Variants in KCNAB1 observed in about 807,000 individuals in gnomAD.
The protein encoded by KCNAB1 is potassium voltage-gated channel subfamily A regulatory beta subunit 1.
In KCNAB1, 35 loss-of-function variants were observed where a neutral mutation model predicts 64.6. The ratio of observed to expected loss-of-function variants is 0.54; its 90% CI spans 0.41 to 0.72. The LOEUF (loss-of-function observed/expected upper bound fraction) is 0.72, where lower values mean the gene tolerates loss of function less well. Ranked by LOEUF, KCNAB1 falls within the 30% of genes least tolerant of loss-of-function variation. KCNAB1 has a pLI of 0.00. For synonymous variants in KCNAB1, 177 were observed against 183.8 expected, an observed-to-expected ratio of 0.96 and a Z score of 0.30; for missense variants, 401 against 512.9, an observed-to-expected ratio of 0.78 and a Z score of 2.11.
At chr3:156,141,140 T>C (rs1714682025) in intron 1 of KCNAB1, among the ~76,000 whole-genome samples, 1 of 152,252 alleles carries the variant, frequency 6.6e-6, no homozygotes, top group South Asian at 2.1e-4. Context: ...AGATTCCATA[T>C]ATCCTTTGCC....
chr3:156,370,657 C>CTCCACAATG (rs1396961271), intron 1 of KCNAB1, among the ~76,000 whole-genome samples: 1 of 152,160 alleles, frequency 6.6e-6, no homozygotes, highest in African/African-American at 2.4e-5. Flanking sequence ...GGCTCCTGAG[C>CTCCACAATG]TCCACAATGG....
At position 156,434,913 on chromosome 3, in the gene KCNAB1, T is replaced by C. The variant is rs1019782761; in HGVS notation, c.319+13254T>C. ...GAGAAGATGGTACTGTTTTAATTTA[T>C]GTTCTCTTTGAAGCAGGCTCTGAAA... On this transcript the variant is annotated intron_variant, in intron 2 of 13. Transcript: ENST00000490337. Among the ~76,000 whole-genome samples, 2 of 152,214 alleles carry C rather than the reference T, an allele frequency of 1.3e-5. 1 individual carries two copies. Among genetic ancestry groups the C allele is most frequent in the South Asian group, 4.1e-4 (2 of 4,830 alleles).
chr3:156,500,136 A>G (rs939809567), intron 8 of KCNAB1, among the ~76,000 whole-genome samples: 1 of 152,230 alleles, frequency 6.6e-6, no homozygotes, highest in Non-Finnish European at 1.5e-5. Flanking sequence ...TGACAGGAAC[A>G]GCCTAGAGTA....
chr3:156,266,067 C>G (rs1458488505), intron 1 of KCNAB1, among the ~76,000 whole-genome samples: 1 of 152,114 alleles, frequency 6.6e-6, no homozygotes, highest in Non-Finnish European at 1.5e-5. Context: ...TGACCAACCA[C>G]CTCCCCTTGG....
Position 156,123,639 on chromosome 3 carries a change from A to C in KCNAB1, c.275+2753A>C, listed in dbSNP as rs564318684. On this transcript the variant is annotated intron_variant, in intron 1 of 13. Transcript: ENST00000490337. ...GAAACAATCTAATATACTTTGCTTA[A>C]TACAGATTTATTGTTCATCTAGAGT... Among the ~76,000 whole-genome samples the C allele has an allele frequency of 3.3e-5, 5 of 152,366 alleles. No homozygotes were observed. The South Asian group carries it at 1.0e-3, about 32-fold the overall frequency.
chr3:156,306,097 TG>T (rs1441282885), intron 1 of KCNAB1, among the ~76,000 whole-genome samples: 3 of 152,144 alleles, frequency 2.0e-5, no homozygotes, highest in African/African-American at 4.8e-5. Flanking sequence ...AGCTATACAG[TG>T]GGGGCAAGTT....
Position 156,391,551 on chromosome 3 carries a change from C to T in KCNAB1, c.276-30065C>T, listed in dbSNP as rs1054545510. Among the ~76,000 whole-genome samples, 90 of 152,342 alleles carry T rather than the reference C, an allele frequency of 5.9e-4. 1 individual carries two copies. The highest frequency in any genetic ancestry group is 3.4e-3 in the Middle Eastern group (1 of 294). ...AAAGTGCTTCATTTATTTATCTCCA[C>T]TGAGGAGCTGTCTTTGAAATTGCTT... On this transcript the variant is annotated intron_variant, in intron 1 of 13. Transcript: ENST00000490337.
At chr3:156,518,857 C>T (rs1412461960) in intron 11 of KCNAB1, among the ~76,000 whole-genome samples, 2 of 152,202 alleles carry the variant, frequency 1.3e-5, no homozygotes, top group African/African-American at 4.8e-5. Flanking sequence ...GTCTATTAGA[C>T]ATCTCCAAGT....
intron 13 of KCNAB1, among the ~76,000 whole-genome samples, chr3:156,533,518 G>C (rs186178313): frequency 6.6e-6 from 1 of 152,304 alleles, no homozygotes; most frequent in East Asian, 1.9e-4. Context: ...GGTCTCGCAG[G>C]ACACCATGGG....
chr3:156,291,233 C>T (rs1246513229), intron 1 of KCNAB1: 7 of 986,530 alleles, frequency 7.1e-6, no homozygotes, highest in Non-Finnish European at 8.4e-6. Flanking sequence ...TCGGTGCAGG[C>T]TCAGCAACCC....
Position 156,193,760 on chromosome 3 carries a change from A to G in KCNAB1, c.275+72874A>G, listed in dbSNP as rs557446734. Among the ~76,000 whole-genome samples, 319 of 152,258 alleles carry G rather than the reference A, an allele frequency of 2.1e-3. 1 individual carries two copies. The highest frequency in any genetic ancestry group is 7.1e-3 in the African/African-American group (295 of 41,556). Reference sequence around the variant, plus strand: ...CACCTCCTACCAGGTCCCTTCCTCGACATGTGGGGCTTATGGGGATTAAAA... The same window carrying G: ...CACCTCCTACCAGGTCCCTTCCTCGGCATGTGGGGCTTATGGGGATTAAAA... On this transcript the variant is annotated intron_variant, in intron 1 of 13. Transcript: ENST00000490337.
At chr3:156,467,264 ACTACAT>A (rs1237655456) in intron 7 of KCNAB1, among the ~76,000 whole-genome samples, 1 of 152,162 alleles carries the variant, frequency 6.6e-6, no homozygotes, top group Non-Finnish European at 1.5e-5. Context: ...TATCACTTTC[ACTACAT>A]CATAAAGTTG....
intron 8 of KCNAB1, among the ~76,000 whole-genome samples, chr3:156,496,170 A>G (rs1279538503): frequency 1.3e-5 from 2 of 152,172 alleles, no homozygotes; most frequent in Non-Finnish European, 2.9e-5. Context: ...GTAAAGGCAC[A>G]ATATTTGTAA....
intron 1 of KCNAB1, among the ~76,000 whole-genome samples, chr3:156,406,869 C>A (rs907162875): frequency 6.6e-5 from 10 of 152,128 alleles, no homozygotes; most frequent in Non-Finnish European, 1.0e-4. Context: ...GGAGATTAGG[C>A]ACATAGAGCT....
Position 156,514,456 on chromosome 3 carries a change from T to TAAAAATAG in KCNAB1, c.744+9_744+10insAAATAGAA. On this transcript the variant is annotated splice_region_variant and intron_variant, in intron 9 of 13. Transcript: ENST00000490337. The stretch of plus-strand genomic sequence containing the variant: ...GAGTGCTATGGAGATCATGGTAATT[T>TAAAAATAG]AACTTCTATTTTTAAATGGCTATTG... The TAAAAATAG allele has an allele frequency of 6.2e-7, 1 of 1,600,762 alleles. No individual in the cohort carries two copies. Among genetic ancestry groups the TAAAAATAG allele is most frequent in the Non-Finnish European group, 8.6e-7 (1 of 1,168,052 alleles).
intron 13 of KCNAB1, among the ~76,000 whole-genome samples, chr3:156,535,843 A>G (rs1719018603): frequency 6.6e-6 from 1 of 151,718 alleles, no homozygotes; most frequent in Non-Finnish European, 1.5e-5. Context: ...CCTTCAAACT[A>G]CCTCCAGGTG....
chr3:156,284,560 C>T (rs1455617562), intron 1 of KCNAB1, among the ~76,000 whole-genome samples: 1 of 152,212 alleles, frequency 6.6e-6, no homozygotes, highest in Non-Finnish European at 1.5e-5. Context: ...GCTCCCCTCC[C>T]CCAGCCTCGC....
At chr3:156,217,588 G>C (rs763249519) in intron 1 of KCNAB1, among the ~76,000 whole-genome samples, 1 of 152,178 alleles carries the variant, frequency 6.6e-6, no homozygotes, top group Non-Finnish European at 1.5e-5. Flanking sequence ...TTTCTTACTT[G>C]AGTTCCAGGG....
intron 1 of KCNAB1, among the ~76,000 whole-genome samples, chr3:156,199,275 G>A (rs537322770): frequency 6.6e-6 from 1 of 152,244 alleles, no homozygotes; most frequent in Admixed American, 6.5e-5. Context: ...CAACCTTGGA[G>A]AATCTGACAA....
Sources: gnomAD v4.1 joint callset for allele counts (sites outside exome capture counted in the v4.1 genomes callset) on GRCh38, gnomAD v4.1.1 for gene constraint, MANE v1.5 for transcripts, NCBI Gene and HGNC (gene_info 2026-07-23, HGNC 2026-07-21) for gene names.